The following RHOT1 variants were observed in gnomAD, a reference collection of about 807,000 sequenced individuals.
The protein encoded by RHOT1 is ras homolog family member T1.
RHOT1 carries 27 observed loss-of-function variants against 95.3 expected under a neutral mutation model. The observed-to-expected ratio is 0.28, with a 90% CI of 0.21 to 0.39. The LOEUF (loss-of-function observed/expected upper bound fraction) is 0.39. Among genes scored for constraint, RHOT1 ranks in the 10% least tolerant of loss-of-function variants. RHOT1 has a pLI of 1.00. For synonymous variants in RHOT1, 227 were observed against 263.5 expected (o/e 0.86, Z 1.34); for missense variants, 578 against 786.7 (o/e 0.73, Z 3.17).
chr17:32,164,326 CG>C, intron 1 of RHOT1, among the ~76,000 whole-genome samples: 1 of 151,500 alleles, frequency 6.6e-6, no homozygotes, highest in Non-Finnish European at 1.5e-5. Flanking sequence ...CTCTGCCTCC[CG>C]GGTTCAAGCG....
intron 13 of RHOT1, 38 bp downstream of exon 13, chr17:32,199,588 A>G: frequency 6.7e-7 from 1 of 1,503,328 alleles, no homozygotes. Flanking sequence ...TAGAGTTACA[A>G]ATAGTTTAAA....
intron 11 of RHOT1, among the ~76,000 whole-genome samples, chr17:32,196,898 T>A (rs1178352944): frequency 6.6e-6 from 1 of 151,774 alleles, no homozygotes; most frequent in Non-Finnish European, 1.5e-5. Context: ...CTGAGGTGGG[T>A]GAATCACGAG....
At chr17:32,195,403 C>T (rs1414711330) in intron 11 of RHOT1, among the ~76,000 whole-genome samples, 1 of 152,140 alleles carries the variant, frequency 6.6e-6, no homozygotes. Flanking sequence ...CATGAGCCAC[C>T]ATGACTGGCC....
chr17:32,148,685 A>G (rs919620248), intron 1 of RHOT1, among the ~76,000 whole-genome samples: 20 of 152,204 alleles, frequency 1.3e-4, no homozygotes, highest in African/African-American at 4.3e-4. Flanking sequence ...TTCTAATTTC[A>G]ATAACTTAGG....
intron 1 of RHOT1, among the ~76,000 whole-genome samples, chr17:32,144,407 G>C (rs1273985651): frequency 6.6e-6 from 1 of 152,112 alleles, no homozygotes; most frequent in East Asian, 1.9e-4. Flanking sequence ...AATTAGCCGG[G>C]TGTGGTGGCA....
Position 32,174,062 on chromosome 17 carries a change from G to A in RHOT1, c.178+150G>A, listed in dbSNP as rs191569058. ...TACGATTCTTATCTCATTTATGTCT[G>A]TCAACCTCTACCCTATACCCCACCC... On this transcript the variant is annotated intron_variant, in intron 3 of 19. Coordinates refer to ENST00000545287, the MANE Select transcript of RHOT1 (RefSeq NM_001033566.3). 7.2e-4 allele frequency: 456 copies of A among 631,568 alleles called. 4 individuals carry two copies. The highest frequency in any genetic ancestry group is 3.5e-3 in the South Asian group (166 of 47,482). The allele number at this position is 631,568 out of a possible 1,614,324, so 39.1% of individuals were successfully genotyped here. A position where few individuals can be genotyped will look rare whatever the true frequency, so the allele number is the denominator to read the frequency against.
intron 19 of RHOT1, among the ~76,000 whole-genome samples, chr17:32,222,250 C>T (rs1490804241): frequency 6.6e-6 from 1 of 152,208 alleles, no homozygotes; most frequent in African/African-American, 2.4e-5. Context: ...CTGTTACTCT[C>T]ATCATAGGTC....
intron 8 of RHOT1, among the ~76,000 whole-genome samples, chr17:32,190,605 T>C (rs2036417712): frequency 6.6e-6 from 1 of 152,238 alleles, no homozygotes; most frequent in Admixed American, 6.5e-5. Context: ...TTTGGAAACA[T>C]TTAAATTATT....
intron 1 of RHOT1, among the ~76,000 whole-genome samples, chr17:32,147,201 C>T (rs1489972290): frequency 4.0e-5 from 6 of 151,488 alleles, no homozygotes; most frequent in East Asian, 3.9e-4. Flanking sequence ...CATACCACCA[C>T]GCCTGGCTAA....
At chr17:32,142,832 G>A in intron 1 of RHOT1, 103 bp downstream of exon 1, 1 of 993,550 alleles carries the variant, frequency 1.0e-6, no homozygotes. Context: ...TGCAGCCCCG[G>A]CCCTTCTCGC....
rs1244779288 is a variant in RHOT1 at position 32,142,708 on chromosome 17, C to T, written c.16C>T (p.Arg6Trp). Residue 6 changes from arginine (R) to tryptophan (W), a missense_variant, in exon 1 of 20, where the codon CGG (arginine) becomes TGG (tryptophan). This residue lies in a region of RHOT1 where 51 missense variants were observed against 114.7 expected (regional missense o/e 0.44). Coordinates refer to ENST00000545287, the MANE Select transcript of RHOT1 (RefSeq NM_001033566.3). Reference sequence around the variant, plus strand: ...AGCCGCCGACATGAAGAAAGACGTGCGGATCCTGCTGGTGGGAGAACGTGA... The same window carrying T: ...AGCCGCCGACATGAAGAAAGACGTGTGGATCCTGCTGGTGGGAGAACGTGA... MKKDV[R>W]ILLVGEPRVG... 6.5e-7 allele frequency: 1 copy of T among 1,529,726 alleles called. No individual in the cohort carries two copies. The highest frequency in any genetic ancestry group is 8.8e-7 in the Non-Finnish European group (1 of 1,139,178). The allele number at this position is 1,529,726 out of a possible 1,614,324, so 94.8% of individuals were successfully genotyped here. A position where few individuals can be genotyped will look rare whatever the true frequency, so the allele number is the denominator to read the frequency against.
rs954571060 is a variant in RHOT1, at chr17:32,168,443, A to G, written c.38-2600A>G. 3.3e-5 allele frequency among the ~76,000 whole-genome samples: 5 copies of G among 151,804 alleles called. No individual in the cohort carries two copies. The South Asian group carries it at 1.0e-3, about 32-fold the overall frequency. On this transcript the variant is annotated intron_variant, in intron 1 of 19. Coordinates refer to ENST00000545287, the MANE Select transcript of RHOT1 (RefSeq NM_001033566.3). ...TGCCACCACACCTGGCTAATTTTTT[A>G]AAAACTGTTTTGTAGAGACAGGGTG...
rs1402698274 is a variant in RHOT1 at position 32,194,195 on chromosome 17, C to T, written c.869+88C>T. 5.1e-6 allele frequency: 7 copies of T among 1,381,834 alleles called. No homozygotes were observed. The East Asian group carries it at 1.4e-4, about 27-fold the overall frequency. The allele number at this position is 1,381,834 out of a possible 1,614,324, so 85.6% of individuals were successfully genotyped here. On this transcript the variant is annotated intron_variant, in intron 11 of 19. Coordinates refer to ENST00000545287, the MANE Select transcript of RHOT1 (RefSeq NM_001033566.3). ...CTATGTTTCCCAGGCTGGTCTTGAA[C>T]TCCTGAGTCAAGTGATCCTCCCACC...
intron 14 of RHOT1, among the ~76,000 whole-genome samples, chr17:32,201,367 A>C (rs975108166): frequency 6.6e-6 from 1 of 152,254 alleles, no homozygotes; most frequent in Non-Finnish European, 1.5e-5. Flanking sequence ...TAAACATTAA[A>C]AATAATGCGT....
chr17:32,222,354 A>G (rs9902253), intron 19 of RHOT1, among the ~76,000 whole-genome samples: 27,659 of 152,142 alleles, frequency 0.18, 2,598 homozygotes, highest in South Asian at 0.27. Context: ...TCATCTGTAA[A>G]CTTCACGACT....
chr17:32,199,714 G>T (rs2037171086), intron 13 of RHOT1, among the ~76,000 whole-genome samples, 164 bp downstream of exon 13: 1 of 152,126 alleles, frequency 6.6e-6, no homozygotes, highest in South Asian at 2.1e-4. Context: ...AACTATAAAT[G>T]TTCTATAAAT....
rs747208551 is a variant in RHOT1 at position 32,218,587 on chromosome 17, T to C, written c.1863-6029T>C. On this transcript the variant is annotated intron_variant, in intron 19 of 19. Coordinates refer to ENST00000545287, the MANE Select transcript of RHOT1 (RefSeq NM_001033566.3). ...CTTTTGGAGATCGAGACAGTAGGATTCTGTAAGCCCAGGAGTTCCAGACCA... is the reference window on the plus strand; with the variant it reads ...CTTTTGGAGATCGAGACAGTAGGATCCTGTAAGCCCAGGAGTTCCAGACCA... Among the ~76,000 whole-genome samples the C allele has an allele frequency of 1.1e-3, 174 of 151,660 alleles. 2 individuals are homozygous for C. The highest frequency in any genetic ancestry group is 3.1e-4 in the Non-Finnish European group (21 of 67,932).
At chr17:32,208,419 A>G in intron 18 of RHOT1, 110 bp downstream of exon 18, 1 of 1,099,414 alleles carries the variant, frequency 9.1e-7, no homozygotes, top group South Asian at 1.4e-5. Context: ...AGCAACAGAA[A>G]GATACTTTGT....
At chr17:32,219,324 C>T (rs1365057636) in intron 19 of RHOT1, among the ~76,000 whole-genome samples, 3 of 152,198 alleles carry the variant, frequency 2.0e-5, no homozygotes, top group African/African-American at 4.8e-5. Context: ...CTTACCCTTC[C>T]GCTATGTTGC....
Sources: allele counts gnomAD v4.1 joint callset (sites outside exome capture counted in the v4.1 genomes callset), GRCh38; gene constraint gnomAD v4.1.1; regional missense constraint gnomAD v4.1.1; transcripts MANE v1.5; gene names NCBI Gene and HGNC (gene_info 2026-07-23, HGNC 2026-07-21).